Variants in TBC1D19 observed in about 807,000 individuals in gnomAD.
The protein encoded by TBC1D19 is TBC1 domain family member 19.
Under a neutral mutation model 89.0 loss-of-function variants are expected in TBC1D19, and 60 were observed. The ratio of observed to expected loss-of-function variants is 0.67; its 90% confidence interval spans 0.55 to 0.84. The LOEUF (loss-of-function observed/expected upper bound fraction) is 0.84, where lower values mean the gene tolerates loss of function less well. Ranked by LOEUF, TBC1D19 falls within the 40% of genes least tolerant of loss-of-function variation. The pLI, the probability that TBC1D19 is intolerant of heterozygous loss-of-function variation, is 0.00. For missense variants in TBC1D19, 500 were observed against 610.8 expected (o/e 0.82, Z 1.91); for synonymous variants, 189 against 199.7 (o/e 0.95, Z 0.45).
the TBC1D19 span, among the ~76,000 whole-genome samples, chr4:26,837,927 T>C: frequency 6.6e-6 from 1 of 152,050 alleles, no homozygotes; most frequent in African/African-American, 2.4e-5. Flanking sequence ...GGACATTTTT[T>C]CCCCTAAAAA....
At chr4:26,696,823 A>G (rs542607088) in intron 13 of TBC1D19, among the ~76,000 whole-genome samples, 198 of 152,356 alleles carry the variant, frequency 1.3e-3, no homozygotes, top group African/African-American at 4.5e-3. Context: ...GAACAAAGAC[A>G]CAACATACCA....
chr4:26,825,186 G>A, the TBC1D19 span, among the ~76,000 whole-genome samples: 4 of 151,606 alleles, frequency 2.6e-5, no homozygotes, highest in African/African-American at 9.7e-5. Flanking sequence ...ACAACCTCCA[G>A]CTCCCTGGTT....
the TBC1D19 span, among the ~76,000 whole-genome samples, chr4:26,854,651 C>G: frequency 6.6e-6 from 1 of 151,746 alleles, no homozygotes; most frequent in South Asian, 2.1e-4. Context: ...TGTGATGTTC[C>G]CCTTGCTCCA....
intron 1 of TBC1D19, among the ~76,000 whole-genome samples, chr4:26,606,309 G>T (rs1577789943): frequency 6.6e-6 from 1 of 152,166 alleles, no homozygotes; most frequent in Non-Finnish European, 1.5e-5. Flanking sequence ...TGGCCAGGGT[G>T]GTAAGAAGGC....
At chr4:26,636,004 T>C (rs1204577340) in intron 4 of TBC1D19, among the ~76,000 whole-genome samples, 1 of 152,134 alleles carries the variant, frequency 6.6e-6, no homozygotes, top group Non-Finnish European at 1.5e-5. Flanking sequence ...TATTGAATGA[T>C]AATTATCATA....
At chr4:26,718,579 G>A (rs1577980565) in intron 14 of TBC1D19, among the ~76,000 whole-genome samples, 1 of 151,982 alleles carries the variant, frequency 6.6e-6, no homozygotes, top group Non-Finnish European at 1.5e-5. Context: ...TGAAAGCTCA[G>A]ACTTCATTGT....
chr4:26,785,891 C>A, the TBC1D19 span, among the ~76,000 whole-genome samples: 1 of 152,124 alleles, frequency 6.6e-6, no homozygotes, highest in African/African-American at 2.4e-5. Flanking sequence ...ATTTGTATTC[C>A]ACTCACCAGA....
intron 7 of TBC1D19, among the ~76,000 whole-genome samples, chr4:26,642,088 G>A (rs574573715): frequency 1.2e-4 from 18 of 152,154 alleles, no homozygotes; most frequent in African/African-American, 4.1e-4. Flanking sequence ...ACACCACAAA[G>A]ACACTCCTCG....
chr4:26,808,727 C>CAAA, the TBC1D19 span, among the ~76,000 whole-genome samples: 37 of 94,964 alleles, frequency 3.9e-4, no homozygotes, highest in African/African-American at 8.9e-4. Flanking sequence ...GACTCTGTCT[C>CAAA]AAAAAAAAAA....
the TBC1D19 span, among the ~76,000 whole-genome samples, chr4:26,773,023 T>C: frequency 6.6e-6 from 1 of 152,156 alleles, no homozygotes; most frequent in African/African-American, 2.4e-5. Context: ...TGTCTCTGGG[T>C]CTTTGAGGAA....
chr4:26,768,249 G>C, the TBC1D19 span, among the ~76,000 whole-genome samples: 2 of 152,128 alleles, frequency 1.3e-5, no homozygotes, highest in Non-Finnish European at 2.9e-5. Context: ...TACTCAAAAG[G>C]GTTTTGCCTC....
At chr4:26,701,511 A>G (rs911315165) in intron 13 of TBC1D19, among the ~76,000 whole-genome samples, 1 of 152,116 alleles carries the variant, frequency 6.6e-6, no homozygotes, top group African/African-American at 2.4e-5. Flanking sequence ...TACTGAGTAA[A>G]AATTTTCCTT....
chr4:26,577,492 TG>T (rs1411774402), intron 1 of TBC1D19, among the ~76,000 whole-genome samples: 1 of 152,198 alleles, frequency 6.6e-6, no homozygotes, highest in Non-Finnish European at 1.5e-5. Context: ...AAATTGGAAA[TG>T]GGTTTTCTTT....
At chr4:26,696,619 C>T (rs2109191009) in intron 13 of TBC1D19, among the ~76,000 whole-genome samples, 1 of 152,294 alleles carries the variant, frequency 6.6e-6, no homozygotes, top group Admixed American at 6.5e-5. Flanking sequence ...TAAAGCACTC[C>T]TCAGCAAACG....
intron 13 of TBC1D19, among the ~76,000 whole-genome samples, chr4:26,700,780 T>G (rs983113456): frequency 6.6e-6 from 1 of 152,204 alleles, no homozygotes; most frequent in Non-Finnish European, 1.5e-5. Flanking sequence ...GGGTATTTTA[T>G]TACATTTCTT....
chr4:26,588,396 C>G (rs1030133866), intron 1 of TBC1D19, among the ~76,000 whole-genome samples: 6 of 134,064 alleles, frequency 4.5e-5, no homozygotes, highest in African/African-American at 1.5e-4. Context: ...AGAAGTAGCT[C>G]TTGGTTTGAT....
downstream of TBC1D19, among the ~76,000 whole-genome samples, chr4:26,760,843 A>G (rs1319981096): frequency 6.6e-6 from 1 of 152,118 alleles, no homozygotes; most frequent in Admixed American, 6.5e-5. Context: ...TCTTCTAGAA[A>G]CTTTAAAGAT....
At chr4:26,806,456 A>G in the TBC1D19 span, among the ~76,000 whole-genome samples, 1 of 152,224 alleles carries the variant, frequency 6.6e-6, no homozygotes, top group South Asian at 2.1e-4. Context: ...TCAATGTCAG[A>G]TATTAGCTCA....
chr4:26,789,762 T>C, the TBC1D19 span, among the ~76,000 whole-genome samples: 1 of 152,150 alleles, frequency 6.6e-6, no homozygotes, highest in Non-Finnish European at 1.5e-5. Flanking sequence ...CACAGAACTA[T>C]GCACCATAGG....
Sources: gnomAD v4.1 joint callset for allele counts (sites outside exome capture counted in the v4.1 genomes callset) on GRCh38, gnomAD v4.1.1 for gene constraint, MANE v1.5 for transcripts, NCBI Gene and HGNC (gene_info 2026-07-23, HGNC 2026-07-21) for gene names.